The following RNF122 variants were observed in gnomAD, a reference collection of about 807,000 sequenced individuals.
The protein encoded by RNF122 is ring finger protein 122.
Under a neutral mutation model 24.2 loss-of-function variants are expected in RNF122, and 17 were observed. The observed-to-expected ratio is 0.70, with a 90% CI of 0.48 to 1.06. The LOEUF (loss-of-function observed/expected upper bound fraction) is 1.06, where lower values mean the gene tolerates loss of function less well. Ranked by LOEUF, RNF122 falls within the 50% of genes least tolerant of loss-of-function variation. The pLI, the probability that RNF122 is intolerant of heterozygous loss-of-function variation, is 0.00. For synonymous variants in RNF122, 65 were observed against 71.8 expected, an observed-to-expected ratio of 0.91 and a Z score of 0.48; for missense variants, 168 against 198.1, an observed-to-expected ratio of 0.85 and a Z score of 0.91.
In RNF122 at chr8:33,548,842, G is replaced by C; in HGVS notation, c.379C>G (p.Arg127Gly). ...RKCLVKWLEV[R>G]CVCPMCNKPI... ...TTGTTACACATGGGGCAGACACAGCGAACTTCCAGCCATTTCACCAGACAC... is the reference window on the plus strand; with the variant it reads ...TTGTTACACATGGGGCAGACACAGCCAACTTCCAGCCATTTCACCAGACAC... The change falls in exon 6 of 6, where the codon CGC becomes GGC. Residue 127 changes from arginine to glycine, a missense_variant. Physicochemically the swap from Arg to Gly is moderately radical, Grantham distance 125. Coordinates refer to ENST00000256257, the MANE Select transcript of RNF122 (RefSeq NM_024787.3). 1.9e-6 allele frequency: 3 copies of C among 1,613,766 alleles called. No homozygotes were observed. Among genetic ancestry groups the C allele is most frequent in the African/African-American group, 1.3e-5 (1 of 74,974 alleles).
chr8:33,553,856 T>C (rs2128838991), intron 2 of RNF122, among the ~76,000 whole-genome samples: 1 of 152,294 alleles, frequency 6.6e-6, no homozygotes, highest in African/African-American at 2.4e-5. Flanking sequence ...CTGGAGCCTC[T>C]TGAGAGCTCC....
In RNF122 at chr8:33,549,040, G is replaced by A. The variant is rs147024882; in HGVS notation, c.354-173C>T. ...GTTCGAGACCAGCCTGGCCAACATG[G>A]TGAAACCCCATCTATACTAAAAATA... On this transcript the variant is annotated intron_variant, in intron 5 of 5. Transcript: ENST00000256257. Among the ~76,000 whole-genome samples, 399 of 152,160 alleles carry A rather than the reference G, an allele frequency of 2.6e-3. 3 individuals carry two copies. The highest frequency in any genetic ancestry group is 6.8e-3 in the Middle Eastern group (2 of 294).
At chr8:33,549,335 G>A (rs1810336699) in intron 5 of RNF122, 75 bp downstream of exon 5, 3 of 1,203,702 alleles carry the variant, frequency 2.5e-6, no homozygotes, top group African/African-American at 1.5e-5. Flanking sequence ...GAAAGTGGCA[G>A]AGACTGGAAG....
chr8:33,559,846 T>C (rs909625090), intron 1 of RNF122, among the ~76,000 whole-genome samples: 8 of 151,488 alleles, frequency 5.3e-5, no homozygotes, highest in Non-Finnish European at 8.8e-5. Flanking sequence ...CGCTGTTTTT[T>C]TTTTTTTTTT....
chr8:33,563,187 T>C (rs1810567399), intron 1 of RNF122, among the ~76,000 whole-genome samples: 1 of 151,946 alleles, frequency 6.6e-6, no homozygotes, highest in Non-Finnish European at 1.5e-5. Context: ...TATTCTCCAG[T>C]GTCCGGCCTA....
intron 1 of RNF122, among the ~76,000 whole-genome samples, chr8:33,559,473 C>T (rs1336780205): frequency 2.0e-5 from 3 of 152,112 alleles, no homozygotes; most frequent in Non-Finnish European, 4.4e-5. Context: ...TACCTCTAAG[C>T]TTCACTTTGT....
At chr8:33,554,876 G>A (rs1409884367) in intron 2 of RNF122, among the ~76,000 whole-genome samples, 3 of 152,222 alleles carry the variant, frequency 2.0e-5, no homozygotes, top group South Asian at 2.1e-4. Context: ...AAGAATGAGC[G>A]AGGGGCTGGC....
At chr8:33,564,989 C>T (rs16881103) in intron 1 of RNF122, among the ~76,000 whole-genome samples, 7,637 of 152,328 alleles carry the variant, frequency 0.05, 646 homozygotes, top group African/African-American at 0.17. Context: ...CTCCCTAAGT[C>T]TCTGTTCCAT....
chr8:33,559,595 T>C (rs1810509637), intron 1 of RNF122, among the ~76,000 whole-genome samples: 1 of 152,182 alleles, frequency 6.6e-6, no homozygotes, highest in African/African-American at 2.4e-5. Context: ...TTAAGCCACC[T>C]GTTCCAGAAG....
chr8:33,558,592 C>G (rs767151866), intron 2 of RNF122, 23 bp downstream of exon 2: 2 of 1,574,296 alleles, frequency 1.3e-6, no homozygotes, highest in East Asian at 4.5e-5. Flanking sequence ...ACTCCCACCC[C>G]GGTCAGCCAG....
chr8:33,550,384 G>A (rs1429570083), intron 4 of RNF122, among the ~76,000 whole-genome samples: 1 of 152,220 alleles, frequency 6.6e-6, no homozygotes, highest in African/African-American at 2.4e-5. Context: ...GCAGTCTCAT[G>A]TTTAGTGGAA....
intron 2 of RNF122, among the ~76,000 whole-genome samples, chr8:33,555,623 C>T (rs1810440583): frequency 6.6e-6 from 1 of 152,214 alleles, no homozygotes; most frequent in African/African-American, 2.4e-5. Context: ...CCTATAGCGG[C>T]TCCTCTACTT....
At position 33,558,747 on chromosome 8, in the gene RNF122, A is replaced by G. The variant is rs756336836; in HGVS notation, c.50T>C (p.Val17Ala). Residue 17 changes from valine to alanine, a missense_variant, in exon 2 of 6, where the codon GTT (valine) becomes GCT (alanine). By Grantham distance (64) the Val-to-Ala change is moderately conservative (BLOSUM62 0). Coordinates refer to ENST00000256257, the MANE Select transcript of RNF122 (RefSeq NM_024787.3). Reference protein sequence around the residue: ...CNGCFCGLGLVSTNKSCSMPP... With the variant: ...CNGCFCGLGLASTNKSCSMPP... ...CATCGAGCAGGACTTGTTGGTGCTA[A>G]CCAGTCCCAGGCCACAGAAACACCC... The G allele has an allele frequency of 1.9e-6, 3 of 1,599,652 alleles. No homozygotes were observed. In the South Asian group the frequency reaches 3.4e-5, roughly 18 times the overall value.
chr8:33,548,913 C>G, intron 5 of RNF122, 46 bp from the exon 6 acceptor site: 1 of 1,297,596 alleles, frequency 7.7e-7, no homozygotes, highest in Non-Finnish European at 1.1e-6. Context: ...ACAGACCACG[C>G]TGCTCCAGTT....
intron 1 of RNF122, among the ~76,000 whole-genome samples, chr8:33,566,480 G>C (rs1810625638): frequency 6.6e-6 from 1 of 152,200 alleles, no homozygotes; most frequent in Admixed American, 6.5e-5. Context: ...CCCGCCGCCA[G>C]TCCGGAGGCC....
chr8:33,566,043 G>A (rs903930394), intron 1 of RNF122, among the ~76,000 whole-genome samples: 5 of 152,146 alleles, frequency 3.3e-5, no homozygotes, highest in Non-Finnish European at 5.9e-5. Context: ...AGTAGAGACG[G>A]AGTTTCTCCA....
intron 1 of RNF122, 72 bp downstream of exon 1, chr8:33,566,627 G>T: frequency 6.7e-7 from 1 of 1,490,708 alleles, no homozygotes; most frequent in Non-Finnish European, 9.2e-7. Flanking sequence ...GCGCGCTGCT[G>T]TCCGACCTCG....
intron 2 of RNF122, among the ~76,000 whole-genome samples, chr8:33,556,909 T>G (rs930387723): frequency 2.6e-5 from 4 of 152,194 alleles, no homozygotes; most frequent in African/African-American, 7.2e-5. Context: ...CTGAGGGCAC[T>G]TCCCCTTCTT....
intron 5 of RNF122, 132 bp downstream of exon 5, chr8:33,549,278 C>A: frequency 1.3e-6 from 1 of 742,878 alleles, no homozygotes; most frequent in Non-Finnish European, 2.4e-6. Context: ...CTGGGCTTTG[C>A]TCGGTGTTCA....
Sources: allele counts gnomAD v4.1 joint callset (sites outside exome capture counted in the v4.1 genomes callset), GRCh38; gene constraint gnomAD v4.1.1; transcripts MANE v1.5; gene names NCBI Gene and HGNC (gene_info 2026-07-23, HGNC 2026-07-21).